Variants in GPHN observed in about 807,000 individuals in gnomAD.
GPHN encodes gephyrin.
Under a neutral mutation model 95.5 loss-of-function variants are expected in GPHN, and 17 were observed. The ratio of observed to expected loss-of-function variants is 0.18; its 90% confidence interval spans 0.12 to 0.27. The LOEUF (loss-of-function observed/expected upper bound fraction) is 0.27. Among genes scored for constraint, GPHN ranks in the 10% least tolerant of loss-of-function variants. The pLI is 1.00. For missense variants in GPHN, 660 were observed against 978.1 expected, an observed-to-expected ratio of 0.67 and a Z score of 4.34; for synonymous variants, 320 against 322.5, an observed-to-expected ratio of 0.99 and a Z score of 0.08.
chr14:67,115,459 A>G (rs1307870472), intron 16 of GPHN, among the ~76,000 whole-genome samples: 1 of 152,204 alleles, frequency 6.6e-6, no homozygotes, highest in Non-Finnish European at 1.5e-5. Flanking sequence ...CAGGCCGGGC[A>G]TGGTTGCTCA....
the GPHN span, among the ~76,000 whole-genome samples, chr14:67,213,984 T>G: frequency 4.6e-5 from 7 of 152,268 alleles, no homozygotes; most frequent in African/African-American, 1.4e-4. Flanking sequence ...TATCTGTTCA[T>G]GTCCTTCGCC....
At chr14:67,491,243 C>T in the GPHN span, among the ~76,000 whole-genome samples, 4 of 152,144 alleles carry the variant, frequency 2.6e-5, no homozygotes, top group African/African-American at 4.8e-5. Flanking sequence ...GATAGGGTGA[C>T]GTATTGGGGG....
chr14:66,637,193 A>G (rs1482781051), intron 1 of GPHN, among the ~76,000 whole-genome samples: 1 of 152,130 alleles, frequency 6.6e-6, no homozygotes, highest in Non-Finnish European at 1.5e-5. Flanking sequence ...ATAGGGTGTG[A>G]TTTGACTTAT....
rs1038351131 is a variant in GPHN, at chr14:67,123,191, C to T, written c.1748+814C>T. Among the ~76,000 whole-genome samples, 3 of 152,222 alleles carry T rather than the reference C, an allele frequency of 2.0e-5. 1 individual carries two copies. The highest frequency in any genetic ancestry group is 2.0e-4 in the Admixed American group (3 of 15,286). On this transcript the variant is annotated intron_variant, in intron 17 of 22. Transcript: ENST00000478722. ...TGATGTATCTATCACCCATAATCCC[C>T]TTTCTCTCTTATCACTACCTCATCA...
At chr14:66,972,811 T>A (rs1186981108) in intron 9 of GPHN, among the ~76,000 whole-genome samples, 1 of 152,104 alleles carries the variant, frequency 6.6e-6, no homozygotes, top group Non-Finnish European at 1.5e-5. Context: ...TATTTCAAAC[T>A]AGCTTTTTTA....
chr14:67,346,529 G>C, the GPHN span, among the ~76,000 whole-genome samples: 1 of 152,202 alleles, frequency 6.6e-6, no homozygotes, highest in Non-Finnish European at 1.5e-5. Context: ...TGCCCAGGCT[G>C]GTCTCAAACT....
the GPHN span, chr14:67,228,310 A>G: frequency 6.6e-5 from 28 of 427,146 alleles, no homozygotes; most frequent in Non-Finnish European, 7.5e-5. Context: ...GTTTGTTTCA[A>G]TCATTTATTT....
At chr14:66,680,132 T>C (rs556192775) in intron 1 of GPHN, among the ~76,000 whole-genome samples, 1 of 152,360 alleles carries the variant, frequency 6.6e-6, no homozygotes, top group African/African-American at 2.4e-5. Context: ...ATGCCTTTGA[T>C]TTTAAATGTC....
chr14:67,503,775 C>A, the GPHN span, among the ~76,000 whole-genome samples: 13 of 151,926 alleles, frequency 8.6e-5, no homozygotes, highest in African/African-American at 3.1e-4. Context: ...GCGATCTCAG[C>A]TCACTGCAAC....
At chr14:66,550,267 GTCAACA>G (rs770466017) in intron 1 of GPHN, among the ~76,000 whole-genome samples, 2 of 152,184 alleles carry the variant, frequency 1.3e-5, no homozygotes, top group African/African-American at 2.4e-5. Context: ...AGGTCAAAAT[GTCAACA>G]TTAACAGTAA....
At chr14:66,769,830 C>A (rs1595847286) in intron 2 of GPHN, among the ~76,000 whole-genome samples, 1 of 152,096 alleles carries the variant, frequency 6.6e-6, no homozygotes, top group African/African-American at 2.4e-5. Context: ...ATTTATATTT[C>A]TTTGGGTATA....
the GPHN span, chr14:67,691,076 C>A: frequency 4.9e-6 from 5 of 1,028,788 alleles, no homozygotes; most frequent in Non-Finnish European, 6.2e-6. Context: ...CTCAATCTGA[C>A]CCCTAAGTTT....
the GPHN span, chr14:67,200,059 C>A: frequency 1.1e-6 from 1 of 925,602 alleles, no homozygotes; most frequent in Non-Finnish European, 1.7e-6. Context: ...GGGACAGCCA[C>A]CACCCCAACC....
intron 1 of GPHN, among the ~76,000 whole-genome samples, chr14:66,580,820 A>G (rs1011715295): frequency 6.6e-6 from 1 of 151,836 alleles, no homozygotes; most frequent in Non-Finnish European, 1.5e-5. Context: ...AACTCATTTT[A>G]AGAGGCCATC....
chr14:66,832,689 G>A (rs1285094338), intron 4 of GPHN, among the ~76,000 whole-genome samples: 1 of 151,732 alleles, frequency 6.6e-6, no homozygotes, highest in Admixed American at 6.6e-5. Flanking sequence ...GAAGCACCTT[G>A]GACTTTATCA....
chr14:67,675,178 C>G, the GPHN span, among the ~76,000 whole-genome samples: 5 of 152,094 alleles, frequency 3.3e-5, no homozygotes, highest in African/African-American at 1.2e-4. Context: ...AGGTGGAGCA[C>G]TTTTCTTGGA....
chr14:67,366,495 A>G, the GPHN span, among the ~76,000 whole-genome samples: 6 of 152,278 alleles, frequency 3.9e-5, no homozygotes, highest in African/African-American at 9.6e-5. Context: ...AGATATTTCC[A>G]TAGCATTTGT....
At chr14:66,812,587 A>G (rs900322743) in intron 3 of GPHN, among the ~76,000 whole-genome samples, 4 of 152,256 alleles carry the variant, frequency 2.6e-5, no homozygotes, top group African/African-American at 7.2e-5. Flanking sequence ...AGAAAAAAAT[A>G]GAAACTATTG....
chr14:67,348,762 C>T, the GPHN span: 224 of 283,984 alleles, frequency 7.9e-4, 2 homozygotes, highest in East Asian at 0.019. Context: ...CCTTGTGATT[C>T]GCCCACCTCG....
Sources: allele counts gnomAD v4.1 joint callset (sites outside exome capture counted in the v4.1 genomes callset), GRCh38; gene constraint gnomAD v4.1.1; transcripts MANE v1.5; gene names NCBI Gene and HGNC (gene_info 2026-07-23, HGNC 2026-07-21).